The following SHQ1 variants were observed in gnomAD, a reference collection of about 807,000 sequenced individuals.
SHQ1 encodes SHQ1, H/ACA ribonucleoprotein assembly factor, also known as protein SHQ1 homolog.
In SHQ1, 49 loss-of-function variants were observed where a neutral mutation model predicts 53.8. The observed-to-expected ratio is 0.91, with a 90% CI of 0.72 to 1.16. The LOEUF (loss-of-function observed/expected upper bound fraction) is 1.16. Ranked by LOEUF, SHQ1 falls within the 50% of genes most tolerant of loss-of-function variation. The pLI, the probability that SHQ1 is intolerant of heterozygous loss-of-function variation, is 0.00. For missense variants in SHQ1, 738 were observed against 683.1 expected, an observed-to-expected ratio of 1.08 and a Z score of -0.90; for synonymous variants, 243 against 251.0, an observed-to-expected ratio of 0.97 and a Z score of 0.30.
chr3:72,776,988 G>C (rs1438562545), intron 10 of SHQ1, among the ~76,000 whole-genome samples: 5 of 152,048 alleles, frequency 3.3e-5, no homozygotes, highest in Admixed American at 3.3e-4. Flanking sequence ...ATGAAGCCAG[G>C]ATATGGTTAT....
At chr3:72,735,183 C>A in the SHQ1 span, among the ~76,000 whole-genome samples, 6 of 151,778 alleles carry the variant, frequency 4.0e-5, no homozygotes, top group Non-Finnish European at 7.4e-5. Flanking sequence ...TCACCTTTTG[C>A]CTATGGATCA....
intron 6 of SHQ1, among the ~76,000 whole-genome samples, chr3:72,820,832 A>G (rs1416543840): frequency 6.6e-6 from 1 of 152,212 alleles, no homozygotes; most frequent in African/African-American, 2.4e-5. Flanking sequence ...CCTAGCATTG[A>G]AGCAAATGGC....
At chr3:72,835,583 G>A (rs533718149) in intron 4 of SHQ1, among the ~76,000 whole-genome samples, 2 of 152,128 alleles carry the variant, frequency 1.3e-5, no homozygotes, top group Admixed American at 6.5e-5. Context: ...TAAATGGACC[G>A]ACATAACCCC....
chr3:72,751,529 T>TATATATATATATATATACACAC (rs1491584090), intron 10 of SHQ1, among the ~76,000 whole-genome samples: 4 of 137,994 alleles, frequency 2.9e-5, no homozygotes, highest in African/African-American at 1.2e-4. Context: ...TATATATATA[T>TATATATATATATATATACACAC]ACATATACAT....
At chr3:72,767,901 T>G (rs192752040) in intron 10 of SHQ1, among the ~76,000 whole-genome samples, 9 of 152,332 alleles carry the variant, frequency 5.9e-5, no homozygotes, top group Admixed American at 5.9e-4. Flanking sequence ...ATGGTTTGAT[T>G]CAAACGATGC....
chr3:72,782,888 T>C (rs937563341), intron 10 of SHQ1, among the ~76,000 whole-genome samples: 2 of 152,232 alleles, frequency 1.3e-5, no homozygotes, highest in Non-Finnish European at 2.9e-5. Context: ...TTAAGACTAT[T>C]CAAGCACAGT....
chr3:72,796,580 G>T (rs903719933), intron 9 of SHQ1, among the ~76,000 whole-genome samples: 2 of 152,150 alleles, frequency 1.3e-5, no homozygotes, highest in Non-Finnish European at 2.9e-5. Context: ...CAGCACTTTG[G>T]AAAGCCGAGG....
At chr3:72,763,062 C>CACAG (rs1315245242) in intron 10 of SHQ1, among the ~76,000 whole-genome samples, 18 of 76,196 alleles carry the variant, frequency 2.4e-4, no homozygotes, top group Admixed American at 7.7e-4. Flanking sequence ...CACACACACA[C>CACAG]AGAGAGAGAG....
Position 72,816,932 on chromosome 3 carries a change from AAGAGATG to A in SHQ1, c.882+291_882+297del, listed in dbSNP as rs144304020. Among the ~76,000 whole-genome samples, 840 of 152,254 alleles carry A rather than the reference AAGAGATG, an allele frequency of 5.5e-3. 10 individuals carry two copies. Among genetic ancestry groups the A allele is most frequent in the African/African-American group, 0.019 (810 of 41,558 alleles). Reference sequence around the variant, plus strand: ...GTGACAGAGCACTTCTCTGGCCTAAAAGAGATGAGAGCTCAGAGTAGCCTTCCTCTCT... The same window carrying A: ...GTGACAGAGCACTTCTCTGGCCTAAAAGAGCTCAGAGTAGCCTTCCTCTCT... On this transcript the variant is annotated intron_variant, in intron 7 of 10. Transcript: ENST00000325599.
intron 10 of SHQ1, among the ~76,000 whole-genome samples, chr3:72,752,586 G>T (rs1705410016): frequency 1.3e-5 from 2 of 152,042 alleles, no homozygotes; most frequent in South Asian, 4.1e-4. Context: ...GAGTGCAGTG[G>T]TGTGATCTCG....
At chr3:72,741,112 G>T in the SHQ1 span, among the ~76,000 whole-genome samples, 4 of 152,132 alleles carry the variant, frequency 2.6e-5, no homozygotes, top group African/African-American at 9.7e-5. Context: ...AAGTTTCTTG[G>T]ATGGTTCAAG....
intron 10 of SHQ1, among the ~76,000 whole-genome samples, chr3:72,751,510 A>ATATATATG (rs1705376993): frequency 1.1e-5 from 1 of 91,158 alleles, no homozygotes; most frequent in Admixed American, 1.1e-4. Flanking sequence ...GTGTGTGTGT[A>ATATATATG]TATATATATA....
chr3:72,802,245 C>T (rs1196278728), intron 9 of SHQ1, among the ~76,000 whole-genome samples: 3 of 152,212 alleles, frequency 2.0e-5, no homozygotes, highest in South Asian at 2.1e-4. Context: ...TCCTCGGTGC[C>T]GTGGCTAGCA....
rs10551107 is a variant in SHQ1 at position 72,765,530 on chromosome 3, CATAT to C, written c.1182-14698_1182-14695del. ...ACCTCTGCCTCCCAGATTCACATGACATATATATATATATATATATATATATATT... is the reference window on the plus strand; with the variant it reads ...ACCTCTGCCTCCCAGATTCACATGACATATATATATATATATATATATATT... On this transcript the variant is annotated intron_variant, in intron 10 of 10. Transcript: ENST00000325599. 9.6e-3 allele frequency among the ~76,000 whole-genome samples: 800 copies of C among 83,448 alleles called. 13 individuals are homozygous for C. The highest frequency in any genetic ancestry group is 0.015 in the East Asian group (50 of 3,402). The allele number at this position is 83,448 out of a possible 152,430, so 54.7% of individuals were successfully genotyped here.
chr3:72,846,125 A>G, intron 1 of SHQ1: 3 of 1,297,718 alleles, frequency 2.3e-6, no homozygotes, highest in Non-Finnish European at 3.2e-6. Context: ...AGCATTCAGA[A>G]AATGTGAGCT....
chr3:72,823,104 G>A (rs1707531368), intron 6 of SHQ1, among the ~76,000 whole-genome samples: 1 of 146,922 alleles, frequency 6.8e-6, no homozygotes, highest in South Asian at 2.1e-4. Flanking sequence ...AGCCGACATT[G>A]TGCCACTGCA....
chr3:72,763,048 CACACACACACACACAG>C (rs982654784), intron 10 of SHQ1, among the ~76,000 whole-genome samples: 15 of 140,466 alleles, frequency 1.1e-4, no homozygotes, highest in African/African-American at 4.1e-4. Context: ...CACACACACA[CACACACACACACACAG>C]AGAGAGAGAG....
In SHQ1 at chr3:72,825,912, C is replaced by T. The variant is rs147687745; in HGVS notation, c.600-1361G>A. ...AACTTACGGAGTTCTTTGTATGTTC[C>T]AGGCACCGCACTAAAAGCTTTGCAT... On this transcript the variant is annotated intron_variant, in intron 5 of 10. Transcript: ENST00000325599. Among the ~76,000 whole-genome samples the T allele has an allele frequency of 6.8e-3, 1,032 of 152,232 alleles. 15 individuals carry two copies. Among genetic ancestry groups the T allele is most frequent in the African/African-American group, 0.023 (973 of 41,542 alleles).
chr3:72,785,050 C>T (rs1174461059), intron 10 of SHQ1, among the ~76,000 whole-genome samples: 2 of 152,164 alleles, frequency 1.3e-5, no homozygotes, highest in Admixed American at 1.3e-4. Context: ...TCTTCCTCCC[C>T]TGGAATTACA....
Sources: gnomAD v4.1 joint callset for allele counts (sites outside exome capture counted in the v4.1 genomes callset) on GRCh38, gnomAD v4.1.1 for gene constraint, MANE v1.5 for transcripts, NCBI Gene and HGNC (gene_info 2026-07-23, HGNC 2026-07-21) for gene names.